Variants in ATP9B observed in about 807,000 individuals in gnomAD.
The protein encoded by ATP9B is ATPase phospholipid transporting 9B.
A neutral mutation model predicts 146.1 loss-of-function variants in ATP9B; 110 were observed. The ratio of observed to expected loss-of-function variants is 0.75; its 90% CI spans 0.65 to 0.88. The LOEUF is 0.88. Among genes scored for constraint, ATP9B ranks in the 40% least tolerant of loss-of-function variants. The pLI is 0.00. For synonymous variants in ATP9B, 604 were observed against 569.7 expected, an observed-to-expected ratio of 1.06 and a Z score of -0.86; for missense variants, 1,499 against 1,496.4, an observed-to-expected ratio of 1.00 and a Z score of -0.03.
chr18:79,121,740 CAG>C (rs1373849402), intron 4 of ATP9B, among the ~76,000 whole-genome samples: 1 of 152,160 alleles, frequency 6.6e-6, no homozygotes, highest in Non-Finnish European at 1.5e-5. Context: ...TTCAGAGAAA[CAG>C]ATTTGGAAGT....
At chr18:79,137,477 G>A (rs2147331040) in intron 5 of ATP9B, among the ~76,000 whole-genome samples, 1 of 152,190 alleles carries the variant, frequency 6.6e-6, no homozygotes, top group African/African-American at 2.4e-5. Flanking sequence ...GACAGATCTG[G>A]GGCATGCTCC....
chr18:79,241,039 A>G (rs924635676), intron 11 of ATP9B, among the ~76,000 whole-genome samples: 6 of 152,212 alleles, frequency 3.9e-5, no homozygotes, highest in Admixed American at 1.3e-4. Flanking sequence ...TGTTAATTGT[A>G]AAGGGCTATT....
At chr18:79,377,209 G>A in intron 29 of ATP9B, 38 bp from the exon 30 acceptor site, 1 of 1,607,080 alleles carries the variant, frequency 6.2e-7, no homozygotes, top group South Asian at 1.1e-5. Flanking sequence ...AGGACTTCTT[G>A]GTCAGCTCTT....
chr18:79,112,879 A>G (rs2093998571), intron 3 of ATP9B, among the ~76,000 whole-genome samples: 1 of 152,156 alleles, frequency 6.6e-6, no homozygotes, highest in Non-Finnish European at 1.5e-5. Flanking sequence ...AACATTGGGA[A>G]GGTTTTGCTA....
intron 6 of ATP9B, among the ~76,000 whole-genome samples, chr18:79,151,086 A>G (rs2094682415): frequency 6.6e-6 from 1 of 152,208 alleles, no homozygotes; most frequent in South Asian, 2.1e-4. Flanking sequence ...AGAAATTGAC[A>G]GGCTGATTCT....
At chr18:79,316,075 A>G (rs907303044) in intron 15 of ATP9B, among the ~76,000 whole-genome samples, 3 of 152,216 alleles carry the variant, frequency 2.0e-5, no homozygotes, top group African/African-American at 7.2e-5. Context: ...AGTTAATTCC[A>G]TATTAATATA....
intron 8 of ATP9B, 100 bp from the exon 9 acceptor site, chr18:79,193,083 G>T: frequency 1.2e-6 from 1 of 831,558 alleles, no homozygotes; most frequent in South Asian, 2.1e-5. Context: ...ATTGCTTTTG[G>T]TAAATAATAT....
chr18:79,168,392 T>A (rs1024730744), intron 7 of ATP9B, among the ~76,000 whole-genome samples: 44 of 151,678 alleles, frequency 2.9e-4, no homozygotes, highest in African/African-American at 9.0e-4. Context: ...TTTTTTTTTT[T>A]ACATTTGTGT....
intron 15 of ATP9B, among the ~76,000 whole-genome samples, chr18:79,323,362 A>C (rs1035095236): frequency 2.6e-5 from 4 of 152,204 alleles, no homozygotes; most frequent in African/African-American, 9.7e-5. Context: ...CTATCATGCT[A>C]CTGAGCGCTG....
chr18:79,111,564 T>A (rs1295920589), intron 3 of ATP9B, among the ~76,000 whole-genome samples: 1 of 152,220 alleles, frequency 6.6e-6, no homozygotes, highest in African/African-American at 2.4e-5. Flanking sequence ...CTTTATTGAA[T>A]GAAGCCACTG....
chr18:79,311,738 C>T (rs1241222413), intron 15 of ATP9B, among the ~76,000 whole-genome samples: 1 of 152,184 alleles, frequency 6.6e-6, no homozygotes, highest in Non-Finnish European at 1.5e-5. Flanking sequence ...CTCATCTCCC[C>T]TCAGACTCTG....
chr18:79,154,341 A>G (rs1277571652), intron 6 of ATP9B, among the ~76,000 whole-genome samples, 163 bp from the exon 7 acceptor site: 1 of 152,220 alleles, frequency 6.6e-6, no homozygotes, highest in Admixed American at 6.5e-5. Context: ...TAAAATGTGA[A>G]TTAAAATATC....
Position 79,372,857 on chromosome 18 carries a change from C to G in ATP9B, c.3045C>G (p.Ile1015Met), listed in dbSNP as rs890869343. 4.3e-6 allele frequency: 7 copies of G among 1,611,894 alleles called. No individual in the cohort carries two copies. The highest frequency in any genetic ancestry group is 5.9e-6 in the Non-Finnish European group (7 of 1,177,958). The change falls in exon 27 of 30, where the codon ATC (isoleucine) becomes ATG (methionine). Residue 1015 changes from isoleucine (I) to methionine (M), a missense_variant. Transcript: ENST00000426216. ...GRSLSFKTFL[I>M]WVLISIYQGG... ...CCTTGTCCTTCAAAACCTTCCTCAT[C>G]TGGGTTTTAATAAGTATTTACCAAG...
chr18:79,351,228 G>A (rs565316027), intron 25 of ATP9B, among the ~76,000 whole-genome samples: 1 of 152,340 alleles, frequency 6.6e-6, no homozygotes, highest in South Asian at 2.1e-4. Flanking sequence ...AAAGGAAAAT[G>A]TGGGGGACCA....
chr18:79,274,514 T>C (rs2096286582), intron 12 of ATP9B, among the ~76,000 whole-genome samples: 1 of 151,784 alleles, frequency 6.6e-6, no homozygotes, highest in Non-Finnish European at 1.5e-5. Flanking sequence ...ATATGCATCC[T>C]ATGTAGTATT....
chr18:79,135,978 G>T (rs1002956918), intron 5 of ATP9B, among the ~76,000 whole-genome samples: 15 of 151,900 alleles, frequency 9.9e-5, no homozygotes, highest in African/African-American at 3.1e-4. Flanking sequence ...TGATCTGTTT[G>T]TCTGTCTGTA....
chr18:79,372,457 T>A, intron 26 of ATP9B: 2 of 404,328 alleles, frequency 4.9e-6, no homozygotes. Context: ...AATATAGAAG[T>A]ATTTGTTGAC....
rs140243032 is a variant in ATP9B, at chr18:79,222,308, G to A, written c.1107+8270G>A. On this transcript the variant is annotated intron_variant, in intron 11 of 29. Transcript: ENST00000426216. ...CAGGAAGTGGAGGTTGCAGTGAGCC[G>A]AGACCGCACCACTGCACTCCAGCCT... 5.1e-3 allele frequency among the ~76,000 whole-genome samples: 777 copies of A among 151,748 alleles called. 12 individuals are homozygous for A. Among genetic ancestry groups the A allele is most frequent in the African/African-American group, 0.017 (706 of 41,366 alleles).
chr18:79,376,389 A>T (rs2001906), intron 29 of ATP9B: 206,636 of 937,348 alleles, frequency 0.22, 5,783 homozygotes, highest in East Asian at 0.47. Flanking sequence ...ATCTGCAACC[A>T]TTTTTTTTTT....
Sources: allele counts gnomAD v4.1 joint callset (sites outside exome capture counted in the v4.1 genomes callset), GRCh38; gene constraint gnomAD v4.1.1; transcripts MANE v1.5; gene names NCBI Gene and HGNC (gene_info 2026-07-23, HGNC 2026-07-21).